The following SOX6 variants were observed in gnomAD, a reference collection of about 807,000 sequenced individuals.
The protein encoded by SOX6 is SRY-box transcription factor 6, also known as transcription factor SOX-6.
Under a neutral mutation model 97.8 loss-of-function variants are expected in SOX6, and 11 were observed. The observed-to-expected ratio is 0.11, with a 90% CI of 0.07 to 0.19. SOX6 has a LOEUF of 0.19. Ranked by LOEUF, SOX6 falls within the 10% of genes least tolerant of loss-of-function variation. The pLI is 1.00. For missense variants in SOX6, 810 were observed against 1,039.5 expected, an observed-to-expected ratio of 0.78 and a Z score of 3.04; for synonymous variants, 360 against 371.4, an observed-to-expected ratio of 0.97 and a Z score of 0.35.
intron 3 of SOX6, among the ~76,000 whole-genome samples, chr11:16,663,781 C>T (rs1392555912): frequency 2.6e-5 from 4 of 152,160 alleles, no homozygotes; most frequent in Non-Finnish European, 5.9e-5. Context: ...TCAATTAATT[C>T]GAGGTATGTT....
At chr11:16,074,941 G>A (rs1590178756) in intron 9 of SOX6, among the ~76,000 whole-genome samples, 1 of 152,100 alleles carries the variant, frequency 6.6e-6, no homozygotes, top group East Asian at 1.9e-4. Flanking sequence ...TAAAGGTGGA[G>A]GCATCACATT....
chr11:16,278,404 T>C (rs531446792), intron 3 of SOX6, among the ~76,000 whole-genome samples: 4 of 152,120 alleles, frequency 2.6e-5, no homozygotes, highest in African/African-American at 9.7e-5. Flanking sequence ...TTATGACCTA[T>C]GGTACAAACA....
rs186455097 is a variant in SOX6, at chr11:16,682,252, G to A, written n.429+32578C>T. On this transcript the variant is annotated intron_variant and non_coding_transcript_variant, in intron 3 of 5. Transcript: ENST00000524520. The stretch of plus-strand genomic sequence containing the variant: ...GGAGAATGGCATGAACCCAGGAGGC[G>A]GAGCTTGCAGTGAGCTGAGATTGCA... Among the ~76,000 whole-genome samples, 362 of 152,228 alleles carry A rather than the reference G, an allele frequency of 2.4e-3. 2 individuals carry two copies. Among genetic ancestry groups the A allele is most frequent in the African/African-American group, 8.4e-3 (348 of 41,532 alleles).
At chr11:16,287,294 T>TCACACACACA (rs1257485756) in intron 3 of SOX6, among the ~76,000 whole-genome samples, 2 of 112,686 alleles carry the variant, frequency 1.8e-5, no homozygotes, top group African/African-American at 6.5e-5. Context: ...TCTCTCTCTC[T>TCACACACACA]CTCTCACACA....
At chr11:16,402,801 TTTCATGTCC>T in intron 1 of SOX6, 3 of 1,579,154 alleles carry the variant, frequency 1.9e-6, no homozygotes, top group Non-Finnish European at 2.6e-6. Flanking sequence ...GACAACAACC[TTTCATGTCC>T]TTGAAGCTCA....
intron 4 of SOX6, among the ~76,000 whole-genome samples, chr11:16,199,241 G>A (rs531903580): frequency 1.1e-3 from 163 of 152,244 alleles, no homozygotes; most frequent in African/African-American, 3.9e-3. Flanking sequence ...TGCACAAGTG[G>A]TAGAAAATCA....
intron 13 of SOX6, among the ~76,000 whole-genome samples, chr11:15,997,188 A>G (rs1428398340): frequency 6.6e-6 from 1 of 152,200 alleles, no homozygotes; most frequent in Non-Finnish European, 1.5e-5. Context: ...TCAAGAATAA[A>G]TAAAAAATCT....
At chr11:16,436,785 C>CGGTAAAT (rs1859383996) in intron 1 of SOX6, among the ~76,000 whole-genome samples, 1 of 152,122 alleles carries the variant, frequency 6.6e-6, no homozygotes. Context: ...AATGACACTT[C>CGGTAAAT]GCTCTCATTT....
At chr11:16,220,084 C>G (rs1448827279) in intron 4 of SOX6, among the ~76,000 whole-genome samples, 1 of 151,992 alleles carries the variant, frequency 6.6e-6, no homozygotes, top group South Asian at 2.1e-4. Flanking sequence ...TTTGTGTTCA[C>G]TAATTCACAT....
intron 1 of SOX6, among the ~76,000 whole-genome samples, chr11:16,346,072 T>C (rs374192631): frequency 9.9e-5 from 15 of 152,054 alleles, no homozygotes; most frequent in African/African-American, 2.9e-4. Flanking sequence ...TAAGAGTTGT[T>C]CTACTTATTC....
At chr11:16,642,775 A>T (rs1848940308) in intron 3 of SOX6, among the ~76,000 whole-genome samples, 1 of 152,126 alleles carries the variant, frequency 6.6e-6, no homozygotes, top group African/African-American at 2.4e-5. Flanking sequence ...CAGGTCCTTT[A>T]AGGGCTTCTC....
chr11:16,075,441 T>C (rs544999216), intron 9 of SOX6, among the ~76,000 whole-genome samples: 1 of 152,076 alleles, frequency 6.6e-6, no homozygotes, highest in African/African-American at 2.4e-5. Flanking sequence ...ATAAAGAAAA[T>C]GTGACACATA....
chr11:16,208,521 G>C (rs1232978733), intron 4 of SOX6, among the ~76,000 whole-genome samples: 1 of 152,050 alleles, frequency 6.6e-6, no homozygotes, highest in Non-Finnish European at 1.5e-5. Context: ...AAATAGAACA[G>C]CATTTTTACT....
At chr11:16,573,741 A>G (rs1341636744) in intron 4 of SOX6, among the ~76,000 whole-genome samples, 4 of 152,186 alleles carry the variant, frequency 2.6e-5, no homozygotes, top group African/African-American at 9.7e-5. Context: ...GACTTGTGTA[A>G]CACTATGAGG....
intron 13 of SOX6, among the ~76,000 whole-genome samples, chr11:15,996,364 T>C (rs77057381): frequency 0.093 from 14,088 of 152,130 alleles, 1,350 homozygotes; most frequent in East Asian, 0.36. Flanking sequence ...CAAGGTAGCT[T>C]ATGCCTGCAA....
At chr11:16,371,566 C>T (rs192975456) in intron 1 of SOX6, among the ~76,000 whole-genome samples, 36 of 152,030 alleles carry the variant, frequency 2.4e-4, no homozygotes, top group African/African-American at 8.7e-4. Context: ...ATCTCCAATC[C>T]CCAGCTGGTG....
intron 2 of SOX6, among the ~76,000 whole-genome samples, chr11:16,340,493 G>T (rs1171882877): frequency 6.6e-6 from 1 of 151,948 alleles, no homozygotes. Context: ...TTCTCACGAG[G>T]TTTGCATGCC....
intron 4 of SOX6, among the ~76,000 whole-genome samples, chr11:16,589,246 G>A (rs1848125391): frequency 1.3e-5 from 2 of 152,178 alleles, no homozygotes; most frequent in South Asian, 4.1e-4. Flanking sequence ...TCTCCAAAGT[G>A]CGTACATACA....
rs1413776272 is a variant in SOX6 at position 16,410,784 on chromosome 11, T to C, written c.-5+65531A>G. On this transcript the variant is annotated intron_variant, in intron 1 of 15. Coordinates refer to the SOX6 transcript ENST00000396356. ...CAAAAAAAAAAAAAAAAAAAAGATATGAACAAGTATGAACAAGGACTGGAA... is the reference window on the plus strand; with the variant it reads ...CAAAAAAAAAAAAAAAAAAAAGATACGAACAAGTATGAACAAGGACTGGAA... Among the ~76,000 whole-genome samples, 5 of 135,470 alleles carry C rather than the reference T, an allele frequency of 3.7e-5. No individual in the cohort carries two copies. The East Asian group carries it at 6.7e-4, about 18-fold the overall frequency. 88.9% of individuals were successfully genotyped at this position (135,470 alleles called of 152,430 possible). A position where few individuals can be genotyped will look rare whatever the true frequency, so the allele number is the denominator to read the frequency against.
Sources: gnomAD v4.1 joint callset for allele counts (sites outside exome capture counted in the v4.1 genomes callset) on GRCh38, gnomAD v4.1.1 for gene constraint, MANE v1.5 for transcripts, NCBI Gene and HGNC (gene_info 2026-07-23, HGNC 2026-07-21) for gene names.